The following TMEM63A variants were observed in gnomAD, a reference collection of about 807,000 sequenced individuals.
TMEM63A encodes the protein mechanosensitive cation channel TMEM63A.
Under a neutral mutation model 100.6 loss-of-function variants are expected in TMEM63A, and 76 were observed. The ratio of observed to expected loss-of-function variants is 0.76; its 90% confidence interval spans 0.63 to 0.91. The LOEUF is 0.91. Among genes scored for constraint, TMEM63A ranks in the 40% least tolerant of loss-of-function variants. The probability of loss-of-function intolerance (pLI) is 0.00; values close to 1 mark genes in which losing one functional copy is unlikely to be tolerated. For missense variants in TMEM63A, 876 were observed against 1,008.8 expected (o/e 0.87, Z 1.78); for synonymous variants, 401 against 401.1 (o/e 1.00, Z 0.00).
intron 20 of TMEM63A, 46 bp downstream of exon 20, chr1:225,852,618 C>T (rs369111178): frequency 5.5e-5 from 87 of 1,585,768 alleles, no homozygotes; most frequent in Non-Finnish European, 6.9e-5. Flanking sequence ...TGCAATCAGC[C>T]GTCCATGTAC....
chr1:225,880,525 C>T (rs2102651559), intron 1 of TMEM63A, among the ~76,000 whole-genome samples: 1 of 152,238 alleles, frequency 6.6e-6, no homozygotes, highest in Admixed American at 6.5e-5. Context: ...CACTGCCTGG[C>T]TGAGAACCCC....
In TMEM63A at chr1:225,848,944, G is replaced by C. The variant is rs748290582; in HGVS notation, c.2140C>G (p.His714Asp). Residue 714 changes from histidine (H) to aspartate (D), a missense_variant, in exon 22 of 25, where the codon CAC (histidine) becomes GAC (aspartate). This residue lies in a region of TMEM63A where 339 missense variants were observed against 342.3 expected (regional missense o/e 0.99). Transcript: ENST00000366835. ...LLLTILVCLAHTCFGCFKHLS... is the reference protein window; with the variant it reads ...LLLTILVCLADTCFGCFKHLS... ...TGCTTGAAGCATCCAAAGCAGGTGT[G>C]AGCCAGGCAGACCAGGATGGTGAGC... 2 of 1,605,174 alleles carry C rather than the reference G, an allele frequency of 1.2e-6. No homozygotes were observed. Among genetic ancestry groups the C allele is most frequent in the South Asian group, 1.1e-5 (1 of 88,836 alleles).
At chr1:225,863,852 G>T (rs1390493120) in intron 10 of TMEM63A, 1 of 140,266 alleles carries the variant, frequency 7.1e-6, no homozygotes, top group Non-Finnish European at 1.5e-5. Context: ...GGAGGCAGAG[G>T]TTGCAGTGAG....
intron 2 of TMEM63A, 148 bp from the exon 3 acceptor site, chr1:225,877,742 A>G (rs1670882936): frequency 2.9e-6 from 2 of 683,480 alleles, no homozygotes; most frequent in South Asian, 4.0e-5. Flanking sequence ...AGAGCCAGAC[A>G]TTGGACCTCT....
At position 225,862,378 on chromosome 1, in the gene TMEM63A, T is replaced by A. The variant is rs10915887; in HGVS notation, c.952-27A>T. 10,835 of 1,614,094 alleles carry A rather than the reference T, an allele frequency of 6.7e-3. 617 individuals carry two copies. The African/African-American group carries it at 0.13, about 19-fold the overall frequency. ...TGCCACAAGACACATCCCATTGGGATGACGTGGCCCCATGCTGGTATCTGG... is the reference window on the plus strand; with the variant it reads ...TGCCACAAGACACATCCCATTGGGAAGACGTGGCCCCATGCTGGTATCTGG... On this transcript the variant is annotated intron_variant, in intron 12 of 24. Transcript: ENST00000366835. The surrounding 1 kb of genome is among the most constrained non-coding windows in gnomAD (Gnocchi z 5.1).
In TMEM63A at chr1:225,846,919, C is replaced by G; in HGVS notation, c.*20G>C. ...CCAGGCCATTCTGGTTGTGTCTTTT[C>G]AGAGCAGTGAGACCTAAAACAGATG... is the stretch of plus-strand genomic sequence containing the variant. On this transcript the variant is annotated 3_prime_UTR_variant, in exon 25 of 25. Coordinates refer to ENST00000366835, the MANE Select transcript of TMEM63A (RefSeq NM_014698.3). The G allele has an allele frequency of 8.0e-7, 1 of 1,257,214 alleles. No individual in the cohort carries two copies. Among genetic ancestry groups the G allele is most frequent in the East Asian group, 2.6e-5 (1 of 39,066 alleles). The allele number at this position is 1,257,214 out of a possible 1,614,324, so 77.9% of individuals were successfully genotyped here.
At chr1:225,873,654 C>A (rs1246250575) in intron 4 of TMEM63A, among the ~76,000 whole-genome samples, 1 of 152,190 alleles carries the variant, frequency 6.6e-6, no homozygotes, top group African/African-American at 2.4e-5. Flanking sequence ...GAGCCCCACG[C>A]AGAACTGGAA....
At chr1:225,848,291 TCTC>T (rs1669125587) in intron 23 of TMEM63A, 198 bp downstream of exon 23, 1 of 591,850 alleles carries the variant, frequency 1.7e-6, no homozygotes, top group Non-Finnish European at 3.0e-6. Context: ...CAAGACTCTA[TCTC>T]CTCAACAGTT....
At chr1:225,858,552 T>A (rs1435292417) in intron 15 of TMEM63A, among the ~76,000 whole-genome samples, 1 of 152,192 alleles carries the variant, frequency 6.6e-6, no homozygotes, top group African/African-American at 2.4e-5. Context: ...CTCGAACTCC[T>A]GACCTCAGGT....
At chr1:225,850,937 T>C (rs1049653912) in intron 20 of TMEM63A, among the ~76,000 whole-genome samples, 1 of 152,138 alleles carries the variant, frequency 6.6e-6, no homozygotes, top group Non-Finnish European at 1.5e-5. Flanking sequence ...GGTCTCGATC[T>C]CCTGACCTCG....
intron 1 of TMEM63A, among the ~76,000 whole-genome samples, chr1:225,880,733 C>T (rs547928286): frequency 3.3e-4 from 51 of 152,306 alleles, no homozygotes; most frequent in Middle Eastern, 3.4e-3. Flanking sequence ...CATGTGCAGG[C>T]AAGCGTCTGA....
At chr1:225,848,337 C>G (rs981690580) in intron 23 of TMEM63A, 155 bp downstream of exon 23, 2 of 707,158 alleles carry the variant, frequency 2.8e-6, no homozygotes, top group Admixed American at 2.9e-5. Context: ...CCAGGGGGAC[C>G]AGGATTCCTT....
At chr1:225,850,540 G>A (rs988504878) in intron 20 of TMEM63A, among the ~76,000 whole-genome samples, 3 of 152,134 alleles carry the variant, frequency 2.0e-5, no homozygotes, top group East Asian at 1.9e-4. Context: ...ATGATTGCTC[G>A]CTATTCAGGG....
At chr1:225,866,199 T>A in intron 9 of TMEM63A, 1 of 559,366 alleles carries the variant, frequency 1.8e-6, no homozygotes, top group South Asian at 2.0e-5. Context: ...CTTCTTTGCA[T>A]GGCAGGAGAC....
At chr1:225,855,821 C>G in intron 18 of TMEM63A, 57 bp downstream of exon 18, 1 of 1,571,604 alleles carries the variant, frequency 6.4e-7, no homozygotes, top group Non-Finnish European at 8.7e-7. Flanking sequence ...CAGCCCCAGC[C>G]CCTGTGGGAC....
At chr1:225,844,450 C>T (rs1668738937), downstream of TMEM63A, 1 of 1,603,860 alleles carries the variant, frequency 6.2e-7, no homozygotes, top group South Asian at 1.1e-5. Context: ...CTTTGTCACA[C>T]AACTGCATGT....
At position 225,867,279 on chromosome 1, in the gene TMEM63A, G is replaced by T; in HGVS notation, c.515-116C>A. 9.6e-7 allele frequency: 1 copy of T among 1,040,562 alleles called. No individual in the cohort carries two copies. Among genetic ancestry groups the T allele is most frequent in the Non-Finnish European group, 1.5e-6 (1 of 662,762 alleles). 64.5% of individuals were successfully genotyped at this position (1,040,562 alleles called of 1,614,324 possible). On this transcript the variant is annotated intron_variant, in intron 7 of 24. Coordinates refer to ENST00000366835, the MANE Select transcript of TMEM63A (RefSeq NM_014698.3). The surrounding 1 kb of genome is among the most constrained non-coding windows in gnomAD (Gnocchi z 4.6). ...GAGGAGGAGCATGTCTGGACCAGCA[G>T]GAAGACAACGTCTGACTGGTCTTTC...
At chr1:225,873,295 T>C (rs1255315324) in intron 4 of TMEM63A, among the ~76,000 whole-genome samples, 1 of 152,106 alleles carries the variant, frequency 6.6e-6, no homozygotes, top group Admixed American at 6.5e-5. Flanking sequence ...GTCCCAAAAG[T>C]TTCTCTCCAA....
At position 225,859,299 on chromosome 1, in the gene TMEM63A, A is replaced by T. The variant is rs752358693; in HGVS notation, c.1274T>A (p.Ile425Asn). Residue 425 changes from isoleucine (I) to asparagine (N), a missense_variant, in exon 15 of 25, where the codon ATC (isoleucine) becomes AAC (asparagine). Ile to Asn is a moderately radical substitution (Grantham distance 149, BLOSUM62 -3). Coordinates refer to ENST00000366835, the MANE Select transcript of TMEM63A (RefSeq NM_014698.3). ...GLRWWLQWLG[I>N]NFTLFLGLFF... ...TAGCCCCAGGAAGAGGGTGAAGTTG[A>T]TGCCCAGCCACTGTAGCCACCAGCG... 1 of 1,614,144 alleles carries T rather than the reference A, an allele frequency of 6.2e-7. No homozygotes were observed. The highest frequency in any genetic ancestry group is 8.5e-7 in the Non-Finnish European group (1 of 1,180,036).
Sources: gnomAD v4.1 joint callset for allele counts (sites outside exome capture counted in the v4.1 genomes callset) on GRCh38, gnomAD v4.1.1 for gene constraint, gnomAD v4.1.1 regional missense constraint, Gnocchi (gnomAD v3.1) non-coding constraint, MANE v1.5 for transcripts, NCBI Gene and HGNC (gene_info 2026-07-23, HGNC 2026-07-21) for gene names.